Variants in PPM1D observed in about 807,000 individuals in gnomAD.
PPM1D encodes protein phosphatase 1D.
PPM1D carries 52 observed loss-of-function variants against 58.3 expected under a neutral mutation model. The observed-to-expected ratio is 0.89, with a 90% CI of 0.71 to 1.12. PPM1D has a LOEUF of 1.12. Among genes scored for constraint, PPM1D ranks in the 50% most tolerant of loss-of-function variants. The pLI is 0.00. For missense variants in PPM1D, 564 were observed against 777.2 expected (o/e 0.73, Z 3.26); for synonymous variants, 278 against 285.1 (o/e 0.98, Z 0.25).
chr17:60,619,335 G>T (rs1251918840), intron 1 of PPM1D, among the ~76,000 whole-genome samples: 2 of 151,648 alleles, frequency 1.3e-5, no homozygotes, highest in African/African-American at 4.8e-5. Context: ...GAATAATTCT[G>T]CAGGGAGTGT....
At chr17:60,635,931 C>T (rs1217526593) in intron 3 of PPM1D, among the ~76,000 whole-genome samples, 1 of 152,148 alleles carries the variant, frequency 6.6e-6, no homozygotes, top group Non-Finnish European at 1.5e-5. Flanking sequence ...GGTGACTTAA[C>T]TGGATGGTTC....
Position 60,663,424 on chromosome 17 carries a change from G to C in PPM1D, c.1690G>C (p.Ala564Pro), listed in dbSNP as rs367580990. ...GLSRSSGAQPASLPTTSQRKN... is the reference protein window; with the variant it reads ...GLSRSSGAQPPSLPTTSQRKN... Reference sequence around the variant, plus strand: ...AAGTCGAAGTAGTGGTGCTCAGCCTGCAAGTCTCCCCACAACCTCACAGCG... The same window carrying C: ...AAGTCGAAGTAGTGGTGCTCAGCCTCCAAGTCTCCCCACAACCTCACAGCG... The change falls in exon 6 of 6, where the codon GCA becomes CCA. Residue 564 changes from alanine to proline, a missense_variant. Ala to Pro is a conservative substitution (Grantham distance 27, BLOSUM62 -1). This residue lies in a region of PPM1D where 261 missense variants were observed against 270.1 expected (regional missense o/e 0.97). Transcript: ENST00000305921. The C allele has an allele frequency of 6.8e-6, 11 of 1,614,184 alleles. No homozygotes were observed. The highest frequency in any genetic ancestry group is 6.7e-5 in the African/African-American group (5 of 75,044).
At chr17:60,603,548 A>G (rs757446927) in intron 1 of PPM1D, among the ~76,000 whole-genome samples, 2 of 152,216 alleles carry the variant, frequency 1.3e-5, no homozygotes, top group Non-Finnish European at 2.9e-5. Flanking sequence ...GAATCACCTG[A>G]GGTCAGGAGT....
At chr17:60,605,001 T>TA (rs374758296) in intron 1 of PPM1D, among the ~76,000 whole-genome samples, 1 of 152,150 alleles carries the variant, frequency 6.6e-6, no homozygotes, top group African/African-American at 2.4e-5. Flanking sequence ...GTATTTTTTT[T>TA]AGCAGAGATG....
intron 4 of PPM1D, among the ~76,000 whole-genome samples, chr17:60,650,405 GC>G (rs1301102263): frequency 6.6e-6 from 1 of 152,144 alleles, no homozygotes; most frequent in African/African-American, 2.4e-5. Context: ...ACAAAAATCA[GC>G]CAGACGTGGT....
intron 1 of PPM1D, among the ~76,000 whole-genome samples, chr17:60,602,956 A>G (rs943754856): frequency 1.3e-5 from 2 of 152,180 alleles, no homozygotes; most frequent in African/African-American, 4.8e-5. Context: ...CAGCCTCTCC[A>G]GTAAATTATA....
chr17:60,614,542 G>A (rs991440902), intron 1 of PPM1D, among the ~76,000 whole-genome samples: 2 of 152,150 alleles, frequency 1.3e-5, no homozygotes, highest in African/African-American at 4.8e-5. Flanking sequence ...CCAGATAAGG[G>A]AATAAAAGCA....
chr17:60,650,308 T>C (rs983267831), intron 4 of PPM1D, among the ~76,000 whole-genome samples: 33 of 152,168 alleles, frequency 2.2e-4, no homozygotes, highest in Non-Finnish European at 3.2e-4. Flanking sequence ...CCCAGCACTT[T>C]GGGAGGCCAA....
intron 5 of PPM1D, among the ~76,000 whole-genome samples, chr17:60,658,701 C>A (rs1280783925): frequency 6.8e-6 from 1 of 147,264 alleles, no homozygotes; most frequent in Non-Finnish European, 1.5e-5. Context: ...TGGTGGCTCA[C>A]GCCTGTAATC....
intron 3 of PPM1D, among the ~76,000 whole-genome samples, chr17:60,647,288 G>T (rs962047986): frequency 2.6e-5 from 4 of 151,976 alleles, no homozygotes; most frequent in African/African-American, 9.7e-5. Flanking sequence ...TTCATAACAG[G>T]CATGTATACC....
At chr17:60,645,538 A>ATATATATGTATATATGTGTGTGTG (rs2031226070) in intron 3 of PPM1D, among the ~76,000 whole-genome samples, 1 of 108,502 alleles carries the variant, frequency 9.2e-6, no homozygotes, top group African/African-American at 4.1e-5. Context: ...ATATATGTGT[A>ATATATATGTATATATGTGTGTGTG]TATATATGTA....
chr17:60,653,223 TTTGATTTTTGTGTGTGATGAG>T (rs1788360628), intron 4 of PPM1D, among the ~76,000 whole-genome samples: 1 of 152,180 alleles, frequency 6.6e-6, no homozygotes, highest in Non-Finnish European at 1.5e-5. Flanking sequence ...TCCATTTTGA[TTTGATTTTTGTGTGTGATGAG>T]AGATAGGGGT....
At chr17:60,635,573 C>T (rs1304441543) in intron 3 of PPM1D, among the ~76,000 whole-genome samples, 3 of 152,136 alleles carry the variant, frequency 2.0e-5, no homozygotes, top group African/African-American at 7.2e-5. Context: ...ATGTTACTTA[C>T]CAACTGTTTT....
chr17:60,639,626 C>T lies in PPM1D; in HGVS notation c.826+5649C>T, dbSNP rs571504206. Among the ~76,000 whole-genome samples the T allele has an allele frequency of 1.2e-4, 18 of 152,142 alleles. No homozygotes were observed. The East Asian group carries it at 2.9e-3, about 25-fold the overall frequency. ...CTACTTTTTGTATTTTTAGTACAGA[C>T]GGGGTTTCACCATGTTGGCCAGGCT... On this transcript the variant is annotated intron_variant, in intron 3 of 5. Coordinates refer to ENST00000305921, the MANE Select transcript of PPM1D (RefSeq NM_003620.4).
chr17:60,615,807 G>A (rs917659168), intron 1 of PPM1D, among the ~76,000 whole-genome samples: 7 of 150,330 alleles, frequency 4.7e-5, no homozygotes, highest in Admixed American at 4.0e-4. Context: ...GTAAGCCACC[G>A]CGCCTGCACC....
intron 3 of PPM1D, 99 bp downstream of exon 3, chr17:60,634,076 A>G: frequency 1.5e-6 from 2 of 1,363,996 alleles, no homozygotes; most frequent in South Asian, 1.3e-5. Context: ...CTTGGCATAT[A>G]GTGAGGGTAG....
intron 3 of PPM1D, among the ~76,000 whole-genome samples, chr17:60,637,692 G>A (rs946951229): frequency 3.9e-5 from 6 of 152,128 alleles, no homozygotes; most frequent in African/African-American, 9.7e-5. Context: ...AGATAGAAAA[G>A]GGGACAAGGT....
chr17:60,608,888 C>T (rs936045267), intron 1 of PPM1D, among the ~76,000 whole-genome samples: 4 of 151,674 alleles, frequency 2.6e-5, no homozygotes, highest in South Asian at 2.1e-4. Context: ...GCTGGGACTA[C>T]AGGCGCCCGC....
At chr17:60,611,327 T>G (rs2030449968) in intron 1 of PPM1D, among the ~76,000 whole-genome samples, 1 of 152,172 alleles carries the variant, frequency 6.6e-6, no homozygotes, top group South Asian at 2.1e-4. Context: ...GGCCATGTTT[T>G]CTTTTTATGA....
Sources: allele counts gnomAD v4.1 joint callset (sites outside exome capture counted in the v4.1 genomes callset), GRCh38; gene constraint gnomAD v4.1.1; regional missense constraint gnomAD v4.1.1; transcripts MANE v1.5; gene names NCBI Gene and HGNC (gene_info 2026-07-23, HGNC 2026-07-21).